The following NARS2 variants were observed in gnomAD, a reference collection of about 807,000 sequenced individuals.
The protein encoded by NARS2 is asparaginyl-tRNA synthetase.
Under a neutral mutation model 62.9 loss-of-function variants are expected in NARS2, and 60 were observed. The ratio of observed to expected loss-of-function variants is 0.95; its 90% CI spans 0.77 to 1.18. The LOEUF is 1.18. Among genes scored for constraint, NARS2 ranks in the 50% most tolerant of loss-of-function variants. The pLI, the probability that NARS2 is intolerant of heterozygous loss-of-function variation, is 0.00. For synonymous variants in NARS2, 196 were observed against 200.0 expected (o/e 0.98, Z 0.17); for missense variants, 619 against 576.4 (o/e 1.07, Z -0.76).
chr11:78,554,580 G>GTTGTTT (rs1444240858), intron 5 of NARS2, among the ~76,000 whole-genome samples: 22 of 150,846 alleles, frequency 1.5e-4, no homozygotes, highest in Admixed American at 2.0e-4. Flanking sequence ...TTTGGTTGTT[G>GTTGTTT]TTGGTGTATA....
intron 6 of NARS2, among the ~76,000 whole-genome samples, chr11:78,521,533 G>A (rs1393991864): frequency 1.3e-5 from 2 of 152,144 alleles, no homozygotes; most frequent in Admixed American, 1.3e-4. Flanking sequence ...GCTCACGCCT[G>A]TAATCCCAGC....
intron 11 of NARS2, among the ~76,000 whole-genome samples, chr11:78,450,815 C>G (rs535893198): frequency 6.6e-6 from 1 of 152,068 alleles, no homozygotes; most frequent in African/African-American, 2.4e-5. Flanking sequence ...GCTGGTATTA[C>G]AGATGCATGC....
Position 78,571,447 on chromosome 11 carries a change from A to G in NARS2, c.142-3T>C, listed in dbSNP as rs760207898. 5.6e-6 allele frequency: 9 copies of G among 1,597,028 alleles called. No homozygotes were observed. In the Admixed American group the frequency reaches 6.7e-5, roughly 12 times the overall value. On this transcript the variant is annotated splice_polypyrimidine_tract_variant and splice_region_variant and intron_variant, in intron 1 of 13. Transcript: ENST00000281038. ...GATCGGACAGAACGAATCCATCCCT[A>G]AGGAAGAGAAATATTTCCAATGTGA...
intron 5 of NARS2, 106 bp downstream of exon 5, chr11:78,559,433 G>A: frequency 2.7e-6 from 2 of 733,726 alleles, no homozygotes; most frequent in South Asian, 3.3e-5. Flanking sequence ...ACAATTTCAG[G>A]TGCTGCTCAT....
intron 10 of NARS2, among the ~76,000 whole-genome samples, chr11:78,468,282 C>CA (rs1858708745): frequency 1.9e-5 from 1 of 54,046 alleles, no homozygotes; most frequent in Non-Finnish European, 3.5e-5. Context: ...AACTGAAAAA[C>CA]AAACCTGCTT....
chr11:78,449,674 A>T (rs543408572), intron 11 of NARS2, among the ~76,000 whole-genome samples: 1 of 152,254 alleles, frequency 6.6e-6, no homozygotes, highest in African/African-American at 2.4e-5. Context: ...CTCAACATTA[A>T]TAACATTTTT....
chr11:78,544,795 C>CAAAAAAAAAAAAAAAA, intron 5 of NARS2, among the ~76,000 whole-genome samples: 1 of 63,256 alleles, frequency 1.6e-5, no homozygotes, highest in Non-Finnish European at 3.0e-5. Context: ...CTCCGTCTCA[C>CAAAAAAAAAAAAAAAA]AAAAAAAAAA....
chr11:78,568,671 C>T lies in NARS2; in HGVS notation c.333G>A (p.Lys111=), dbSNP rs755340276. 4.3e-6 allele frequency: 7 copies of T among 1,612,938 alleles called. No homozygotes were observed. In the African/African-American group the frequency reaches 9.3e-5, roughly 22 times the overall value. The change falls in exon 3 of 14, where the codon AAG becomes AAA. Residue 111 remains lysine, a synonymous_variant. Transcript: ENST00000281038. ...SPSKRQNVEL[K]AEKIKVIGNC... Reference sequence around the variant, plus strand: ...TTCCAATAACTTTAATTTTTTCTGCCTTCAGTTCCACATTTTGCCTTTTGG... The same window carrying T: ...TTCCAATAACTTTAATTTTTTCTGCTTTCAGTTCCACATTTTGCCTTTTGG...
intron 6 of NARS2, among the ~76,000 whole-genome samples, chr11:78,513,502 G>A (rs1177645741): frequency 6.6e-6 from 1 of 152,112 alleles, no homozygotes; most frequent in East Asian, 1.9e-4. Flanking sequence ...CGTGGGCCGG[G>A]TGCGGTGGCT....
chr11:78,453,740 G>A (rs1383795613), intron 11 of NARS2, among the ~76,000 whole-genome samples: 1 of 152,194 alleles, frequency 6.6e-6, no homozygotes, highest in South Asian at 2.1e-4. Flanking sequence ...TGTAACTGCT[G>A]AAATACACAG....
chr11:78,506,768 G>C (rs1860515212), intron 6 of NARS2, among the ~76,000 whole-genome samples: 1 of 152,122 alleles, frequency 6.6e-6, no homozygotes, highest in South Asian at 2.1e-4. Context: ...ACTCCTGACA[G>C]CCTCAGGCGA....
In NARS2 at chr11:78,502,991, C is replaced by CAAAAAAAA. The variant is rs550751384; in HGVS notation, c.690-9804_690-9797dup. ...CCTGGGTAACAGAGTGAGACTGTCTCAAAAAAAAAAAAAAAAAAAGGTTGA... is the reference window on the plus strand; with the variant it reads ...CCTGGGTAACAGAGTGAGACTGTCTCAAAAAAAAAAAAAAAAAAAAAAAAAAAGGTTGA... On this transcript the variant is annotated intron_variant, in intron 6 of 13. Coordinates refer to ENST00000281038, the MANE Select transcript of NARS2 (RefSeq NM_024678.6). 7.7e-3 allele frequency among the ~76,000 whole-genome samples: 638 copies of CAAAAAAAA among 82,904 alleles called. 78 individuals carry two copies. The highest frequency in any genetic ancestry group is 0.039 in the African/African-American group (613 of 15,768). 54.4% of individuals were successfully genotyped at this position (82,904 alleles called of 152,430 possible).
intron 6 of NARS2, among the ~76,000 whole-genome samples, chr11:78,521,083 G>T (rs1322466449): frequency 6.8e-6 from 1 of 147,076 alleles, no homozygotes; most frequent in Non-Finnish European, 1.5e-5. Flanking sequence ...AAAAGTAGAA[G>T]AATGATGGGT....
At chr11:78,572,374 G>A (rs1173520367) in intron 1 of NARS2, among the ~76,000 whole-genome samples, 1 of 152,168 alleles carries the variant, frequency 6.6e-6, no homozygotes, top group African/African-American at 2.4e-5. Context: ...ATTATTTAGA[G>A]ATGTCACGAT....
intron 11 of NARS2, among the ~76,000 whole-genome samples, chr11:78,444,610 T>C (rs1055417103): frequency 2.0e-5 from 3 of 151,692 alleles, no homozygotes; most frequent in Non-Finnish European, 4.4e-5. Context: ...TCCCAGCTAC[T>C]TGGGAGGCCG....
At chr11:78,515,646 T>C (rs150899402) in intron 6 of NARS2, among the ~76,000 whole-genome samples, 37 of 151,404 alleles carry the variant, frequency 2.4e-4, no homozygotes, top group Non-Finnish European at 4.1e-4. Context: ...GCCTCTAAAG[T>C]AGCTGGGACT....
chr11:78,497,241 G>GCAAAAAAAAAAAAAAAAAAAAAAAAAA lies in NARS2; in HGVS notation c.690-4047_690-4046insTTTTTTTTTTTTTTTTTTTTTTTTTTG, dbSNP rs1555023813. Among the ~76,000 whole-genome samples, 2 of 107,316 alleles carry GCAAAAAAAAAAAAAAAAAAAAAAAAAA rather than the reference G, an allele frequency of 1.9e-5. 1 individual carries two copies. The allele number at this position is 107,316 out of a possible 152,430, so 70.4% of individuals were successfully genotyped here. The stretch of plus-strand genomic sequence containing the variant: ...TCTTTGGAAAATAAAAAGCAAAATT[G>GCAAAAAAAAAAAAAAAAAAAAAAAAAA]AAAAAAAAAAAAAAAAAAAAGGTTC... On this transcript the variant is annotated intron_variant, in intron 6 of 13. Transcript: ENST00000281038.
chr11:78,471,825 A>G (rs1464816022), intron 9 of NARS2, among the ~76,000 whole-genome samples: 1 of 151,678 alleles, frequency 6.6e-6, no homozygotes, highest in Non-Finnish European at 1.5e-5. Context: ...GAGAATGATG[A>G]TTTCCAATTT....
At chr11:78,487,429 C>T (rs563798423) in intron 7 of NARS2, among the ~76,000 whole-genome samples, 7 of 151,020 alleles carry the variant, frequency 4.6e-5, no homozygotes, top group African/African-American at 7.3e-5. Flanking sequence ...CAGACAGACT[C>T]GTTAATAATA....
Sources: allele counts gnomAD v4.1 joint callset (sites outside exome capture counted in the v4.1 genomes callset), GRCh38; gene constraint gnomAD v4.1.1; transcripts MANE v1.5; gene names NCBI Gene and HGNC (gene_info 2026-07-23, HGNC 2026-07-21).